TESK1: variants seen among roughly 807,000 people sequenced by gnomAD.
TESK1 encodes the protein dual specificity testis-specific protein kinase 1.
Under a neutral mutation model 59.9 loss-of-function variants are expected in TESK1, and 18 were observed. The observed-to-expected ratio is 0.30, with a 90% CI of 0.21 to 0.45. The LOEUF is 0.45. Ranked by LOEUF, TESK1 falls within the 20% of genes least tolerant of loss-of-function variation. The pLI, the probability that TESK1 is intolerant of heterozygous loss-of-function variation, is 1.00. For missense variants in TESK1, 748 were observed against 840.9 expected (o/e 0.89, Z 1.37); for synonymous variants, 341 against 357.4 (o/e 0.95, Z 0.52).
In TESK1 at chr9:35,609,510, C is replaced by G; in HGVS notation, c.1649C>G (p.Thr550Arg). The G allele has an allele frequency of 1.2e-6, 2 of 1,608,776 alleles. No individual in the cohort carries two copies. Among genetic ancestry groups the G allele is most frequent in the Middle Eastern group, 1.7e-4 (1 of 6,034 alleles). ...CCCCGGGCGGCAGCCCTGGAGCGGA[C>G]AGAACCCTCGCCACCCCCTTCAGCT... Reference protein sequence around the residue: ...SLPRAAALERTEPSPPPSAPR... With the variant: ...SLPRAAALERREPSPPPSAPR... Residue 550 changes from threonine to arginine, a missense_variant, in exon 10 of 10, where the codon ACA (threonine) becomes AGA (arginine). Thr to Arg is a moderately conservative substitution (Grantham distance 71). Around this residue, in one of 3 missense-constraint regions of TESK1, gnomAD observed 447 missense variants for 466.1 expected, o/e 0.96. Coordinates refer to ENST00000336395, the MANE Select transcript of TESK1 (RefSeq NM_006285.3). The surrounding 1 kb of genome is among the most constrained non-coding windows in gnomAD (Gnocchi z 6.7).
Position 35,605,565 on chromosome 9 carries a change from G to GC in TESK1, c.-52dup, listed in dbSNP as rs1822826477. The GC allele has an allele frequency of 5.5e-6, 3 of 548,656 alleles. No homozygotes were observed. 34.0% of individuals were successfully genotyped at this position (548,656 alleles called of 1,614,324 possible). Reference sequence around the variant, plus strand: ...CCCGCGCCCATGGCAAGCGCGGCCTGCCCGGGCCCTGGGGACCCTGCCATG... The same window carrying GC: ...CCCGCGCCCATGGCAAGCGCGGCCTGCCCCGGGCCCTGGGGACCCTGCCATG... On this transcript the variant is annotated 5_prime_UTR_variant, in exon 1 of 10. It removes the in-frame stop codon of an upstream open reading frame in the 5' UTR. Coordinates refer to ENST00000336395, the MANE Select transcript of TESK1 (RefSeq NM_006285.3).
chr9:35,607,476 C>T lies in TESK1; in HGVS notation c.620+67C>T. 7 of 1,596,264 alleles carry T rather than the reference C, an allele frequency of 4.4e-6. No homozygotes were observed. Among genetic ancestry groups the T allele is most frequent in the Non-Finnish European group, 6.0e-6 (7 of 1,163,974 alleles). ...CCCCTATCTGATGTCCCCAGAGCCC[C>T]AGGGATGTTTCCCTTGGGGAACGGA... On this transcript the variant is annotated intron_variant, in intron 5 of 9. Transcript: ENST00000336395. This position sits in a 1 kb window ranked among gnomAD's most constrained non-coding sequence, Gnocchi z 4.5.
At position 35,608,238 on chromosome 9, in the gene TESK1, C is replaced by T. The variant is rs781615056; in HGVS notation, c.874C>T (p.His292Tyr). The T allele has an allele frequency of 1.9e-6, 3 of 1,614,034 alleles. No individual in the cohort carries two copies. The East Asian group carries it at 6.7e-5, about 36-fold the overall frequency. ...ACTGCCTTTCTTGCTCCTGGCCATC[C>T]ACTGCTGCAACGTAAGAGCCTCACA... ...CPLPFLLLAIHCCNLEPSTRA... is the reference protein window; with the variant it reads ...CPLPFLLLAIYCCNLEPSTRA... Residue 292 changes from histidine to tyrosine, a missense_variant, in exon 8 of 10, where the codon CAC becomes TAC. Physicochemically the swap from His to Tyr is moderately conservative, Grantham distance 83 (BLOSUM62 2). This residue lies in a region of TESK1 where 447 missense variants were observed against 466.1 expected (regional missense o/e 0.96). Transcript: ENST00000336395.
Position 35,607,336 on chromosome 9 carries a change from G to C in TESK1, c.547G>C (p.Val183Leu). The C allele has an allele frequency of 3.1e-6, 5 of 1,614,176 alleles. No individual in the cohort carries two copies. Among genetic ancestry groups the C allele is most frequent in the Non-Finnish European group, 4.2e-6 (5 of 1,180,018 alleles). Residue 183 changes from valine (V) to leucine (L), a missense_variant, in exon 5 of 10, where the codon GTC (valine) becomes CTC (leucine). Around this residue, in one of 3 missense-constraint regions of TESK1, gnomAD observed 168 missense variants for 257.4 expected, o/e 0.65. Transcript: ENST00000336395. The surrounding 1 kb of genome is among the most constrained non-coding windows in gnomAD (Gnocchi z 4.5). ...HRDLTSKNCLVRREDRGFTAV... is the reference protein window; with the variant it reads ...HRDLTSKNCLLRREDRGFTAV... ...TGTGTGTGTGTGTCAGAACTGTCTA[G>C]TCCGACGGGAAGATCGAGGCTTCAC...
At position 35,607,831 on chromosome 9, in the gene TESK1, A is replaced by G; in HGVS notation, c.712-97A>G. On this transcript the variant is annotated intron_variant, in intron 6 of 9. Transcript: ENST00000336395. The surrounding 1 kb of genome is among the most constrained non-coding windows in gnomAD (Gnocchi z 4.5). ...CCCTTCTAACACATGAAAACTGTCA[A>G]GATCCCCCACCCTCAACCAAATTCT... is the stretch of plus-strand genomic sequence containing the variant. The G allele has an allele frequency of 1.4e-6, 2 of 1,416,688 alleles. No individual in the cohort carries two copies. The highest frequency in any genetic ancestry group is 2.4e-5 in the South Asian group (2 of 81,770). 87.8% of individuals were successfully genotyped at this position (1,416,688 alleles called of 1,614,324 possible).
rs1358456980 is a variant in TESK1, at chr9:35,606,304, G to A, written c.390+19G>A. The A allele has an allele frequency of 6.2e-7, 1 of 1,613,428 alleles. No homozygotes were observed. Among genetic ancestry groups the A allele is most frequent in the Admixed American group, 1.7e-5 (1 of 60,024 alleles). ...TACAGAGGTGAGGATAGGCCAGGAA[G>A]GAGGGATCCCCACCCCCCTTCACCC... On this transcript the variant is annotated intron_variant, in intron 3 of 9. Coordinates refer to ENST00000336395, the MANE Select transcript of TESK1 (RefSeq NM_006285.3).
chr9:35,605,288 G>T lies in TESK1; in HGVS notation c.-332G>T, dbSNP rs1386653489. Reference sequence around the variant, plus strand: ...GAGCCTGATCCCCGGCGGCTAAGCGGAGCAGCCGCCGCCCGCCCGCCCGCC... The same window carrying T: ...GAGCCTGATCCCCGGCGGCTAAGCGTAGCAGCCGCCGCCCGCCCGCCCGCC... On this transcript the variant is annotated 5_prime_UTR_variant, in exon 1 of 10. Coordinates refer to ENST00000336395, the MANE Select transcript of TESK1 (RefSeq NM_006285.3). 6.7e-6 allele frequency: 1 copy of T among 148,754 alleles called. No individual in the cohort carries two copies. 9.2% of individuals were successfully genotyped at this position (148,754 alleles called of 1,614,324 possible).
In TESK1 at chr9:35,609,396, C is replaced by T; in HGVS notation, c.1535C>T (p.Pro512Leu). ...ASQPWSPRSGPVLNNNPPAVV... is the reference protein window; with the variant it reads ...ASQPWSPRSGLVLNNNPPAVV... ...CAACCCTGGTCCCCTAGATCAGGAC[C>T]CGTCCTCAATAACAATCCCCCAGCT... The change falls in exon 10 of 10, where the codon CCC becomes CTC. Residue 512 changes from proline (P) to leucine (L), a missense_variant. Pro to Leu is a moderately conservative substitution (Grantham distance 98). This residue lies in a region of TESK1 where 447 missense variants were observed against 466.1 expected (regional missense o/e 0.96). Coordinates refer to ENST00000336395, the MANE Select transcript of TESK1 (RefSeq NM_006285.3). The surrounding 1 kb of genome is among the most constrained non-coding windows in gnomAD (Gnocchi z 6.7). The T allele has an allele frequency of 2.5e-6, 4 of 1,609,872 alleles. No homozygotes were observed. Among genetic ancestry groups the T allele is most frequent in the Non-Finnish European group, 3.4e-6 (4 of 1,177,882 alleles).
In TESK1 at chr9:35,605,509, C is replaced by A; in HGVS notation, c.-111C>A. 1 of 279,298 alleles carries A rather than the reference C, an allele frequency of 3.6e-6. No homozygotes were observed. Among genetic ancestry groups the A allele is most frequent in the Non-Finnish European group, 6.5e-6 (1 of 153,640 alleles). The allele number at this position is 279,298 out of a possible 1,614,324, so 17.3% of individuals were successfully genotyped here. A position where few individuals can be genotyped will look rare whatever the true frequency, so the allele number is the denominator to read the frequency against. ...GGATCTTCCATTCTCAGGGCGGGAGCCGGAGTCCGGGCGCCCGGGATCGGG... is the reference window on the plus strand; with the variant it reads ...GGATCTTCCATTCTCAGGGCGGGAGACGGAGTCCGGGCGCCCGGGATCGGG... On this transcript the variant is annotated 5_prime_UTR_variant, in exon 1 of 10. Transcript: ENST00000336395.
rs1185116033 is a variant in TESK1, at chr9:35,609,090, C to T, written c.1229C>T (p.Pro410Leu). The change falls in exon 10 of 10, where the codon CCA (proline) becomes CTA (leucine). Residue 410 changes from proline to leucine, a missense_variant. Transcript: ENST00000336395. This position sits in a 1 kb window ranked among gnomAD's most constrained non-coding sequence, Gnocchi z 6.7. Reference protein sequence around the residue: ...KPVLPLVPPSPFPSTQLPLVT... With the variant: ...KPVLPLVPPSLFPSTQLPLVT... ...GTCCTGCCTCTTGTGCCACCATCAC[C>T]ATTCCCATCCACTCAGCTGCCCTTG... 6.2e-7 allele frequency: 1 copy of T among 1,614,070 alleles called. No homozygotes were observed. The highest frequency in any genetic ancestry group is 1.3e-5 in the African/African-American group (1 of 74,928).
chr9:35,606,208 A>T, intron 2 of TESK1, 29 bp from the exon 3 acceptor site: 1 of 1,614,180 alleles, frequency 6.2e-7, no homozygotes, highest in Non-Finnish European at 8.5e-7. Flanking sequence ...TTAATAGCCT[A>T]TCCTTCTATC....
rs1287589713 is a variant in TESK1, at chr9:35,608,811, G to A, written c.1001-51G>A. 2.6e-6 allele frequency: 4 copies of A among 1,529,718 alleles called. No individual in the cohort carries two copies. The African/African-American group carries it at 4.2e-5, about 16-fold the overall frequency. 94.8% of individuals were successfully genotyped at this position (1,529,718 alleles called of 1,614,324 possible). On this transcript the variant is annotated intron_variant, in intron 9 of 9. Coordinates refer to ENST00000336395, the MANE Select transcript of TESK1 (RefSeq NM_006285.3). Reference sequence around the variant, plus strand: ...CCTGGAGAATAGTGAGGCCCTCAAGGAGCTGTGATCAAATGCTGAGGACAG... The same window carrying A: ...CCTGGAGAATAGTGAGGCCCTCAAGAAGCTGTGATCAAATGCTGAGGACAG...
intron 9 of TESK1, among the ~76,000 whole-genome samples, 157 bp downstream of exon 9, chr9:35,608,666 C>T (rs1176952895): frequency 1.3e-5 from 2 of 152,088 alleles, no homozygotes; most frequent in Non-Finnish European, 2.9e-5. Flanking sequence ...AAGACAGTTT[C>T]CTAATGCTAA....
Position 35,605,463 on chromosome 9 carries a change from G to A in TESK1, c.-157G>A. The A allele has an allele frequency of 4.1e-6, 1 of 241,630 alleles. No individual in the cohort carries two copies. The highest frequency in any genetic ancestry group is 7.8e-6 in the Non-Finnish European group (1 of 127,992). The allele number at this position is 241,630 out of a possible 1,614,324, so 15.0% of individuals were successfully genotyped here. On this transcript the variant is annotated 5_prime_UTR_variant, in exon 1 of 10. Coordinates refer to ENST00000336395, the MANE Select transcript of TESK1 (RefSeq NM_006285.3). ...GGGCCCAGCCAGCCGGCGCGGCGGG[G>A]GCGGGTCCAGGATCTTCGGCGGATC...
chr9:35,607,343 G>T lies in TESK1; in HGVS notation c.554G>T (p.Arg185Leu). ...DLTSKNCLVRREDRGFTAVVG... is the reference protein window; with the variant it reads ...DLTSKNCLVRLEDRGFTAVVG... Reference sequence around the variant, plus strand: ...GTGTGTCAGAACTGTCTAGTCCGACGGGAAGATCGAGGCTTCACCGCTGTC... The same window carrying T: ...GTGTGTCAGAACTGTCTAGTCCGACTGGAAGATCGAGGCTTCACCGCTGTC... Residue 185 changes from arginine (R) to leucine (L), a missense_variant, in exon 5 of 10, where the codon CGG becomes CTG. Arg to Leu is a moderately radical substitution (Grantham distance 102, BLOSUM62 -2). Coordinates refer to ENST00000336395, the MANE Select transcript of TESK1 (RefSeq NM_006285.3). This position sits in a 1 kb window ranked among gnomAD's most constrained non-coding sequence, Gnocchi z 4.5. 1 of 1,614,144 alleles carries T rather than the reference G, an allele frequency of 6.2e-7. No individual in the cohort carries two copies. The highest frequency in any genetic ancestry group is 8.5e-7 in the Non-Finnish European group (1 of 1,180,014).
Position 35,607,257 on chromosome 9 carries a change from G to C in TESK1, c.538-70G>C. On this transcript the variant is annotated intron_variant, in intron 4 of 9. Transcript: ENST00000336395. This position sits in a 1 kb window ranked among gnomAD's most constrained non-coding sequence, Gnocchi z 4.5. Reference sequence around the variant, plus strand: ...GTTATGCTGGAGTGACAGGGCTTTGGGTTATACATTGGGAGGCCAGACAGC... The same window carrying C: ...GTTATGCTGGAGTGACAGGGCTTTGCGTTATACATTGGGAGGCCAGACAGC... The C allele has an allele frequency of 6.3e-7, 1 of 1,580,148 alleles. No homozygotes were observed. The highest frequency in any genetic ancestry group is 8.7e-7 in the Non-Finnish European group (1 of 1,150,174).
At position 35,606,281 on chromosome 9, in the gene TESK1, C is replaced by T; in HGVS notation, c.386C>T (p.Thr129Ile). 1.2e-6 allele frequency: 2 copies of T among 1,614,000 alleles called. No homozygotes were observed. The highest frequency in any genetic ancestry group is 1.7e-6 in the Non-Finnish European group (2 of 1,180,022). Reference protein sequence around the residue: ...CVHQGQLHALTEYMNGGTLEQ... With the variant: ...CVHQGQLHALIEYMNGGTLEQ... ...CACCAGGGACAGCTGCACGCTCTTA[C>T]AGAGGTGAGGATAGGCCAGGAAGGA... Residue 129 changes from threonine to isoleucine, a missense_variant, in exon 3 of 10, where the codon ACA becomes ATA. Around this residue, in one of 3 missense-constraint regions of TESK1, gnomAD observed 168 missense variants for 257.4 expected, o/e 0.65. Coordinates refer to ENST00000336395, the MANE Select transcript of TESK1 (RefSeq NM_006285.3).
chr9:35,606,250 T>C lies in TESK1; in HGVS notation c.355T>C (p.Cys119Arg). Residue 119 changes from cysteine to arginine, a missense_variant, in exon 3 of 10, where the codon TGT becomes CGT. By Grantham distance (180) the Cys-to-Arg change is radical. This residue lies in a region of TESK1 where 168 missense variants were observed against 257.4 expected (regional missense o/e 0.65). Transcript: ENST00000336395. Reference protein sequence around the residue: ...HPNILRFMGVCVHQGQLHALT... With the variant: ...HPNILRFMGVRVHQGQLHALT... The stretch of plus-strand genomic sequence containing the variant: ...ATCCTCTTGCAGGTTCATGGGAGTC[T>C]GTGTGCACCAGGGACAGCTGCACGC... 1 of 1,614,118 alleles carries C rather than the reference T, an allele frequency of 6.2e-7. No individual in the cohort carries two copies. The highest frequency in any genetic ancestry group is 8.5e-7 in the Non-Finnish European group (1 of 1,180,018).
chr9:35,606,728 AC>A (rs1259043235), intron 3 of TESK1, 108 bp from the exon 4 acceptor site: 27 of 1,131,872 alleles, frequency 2.4e-5, no homozygotes, highest in East Asian at 2.2e-4. Flanking sequence ...GCACAGTCTT[AC>A]CCCTATGACC....
Sources: gnomAD v4.1 joint callset for allele counts (sites outside exome capture counted in the v4.1 genomes callset) on GRCh38, gnomAD v4.1.1 for gene constraint, gnomAD v4.1.1 regional missense constraint, Gnocchi (gnomAD v3.1) non-coding constraint, MANE v1.5 for transcripts, NCBI Gene and HGNC (gene_info 2026-07-23, HGNC 2026-07-21) for gene names.